The following HIBADH variants were observed in gnomAD, a reference collection of about 807,000 sequenced individuals.
HIBADH encodes the protein 3-hydroxyisobutyrate dehydrogenase.
A neutral mutation model predicts 36.1 loss-of-function variants in HIBADH; 25 were observed. That is an observed-to-expected ratio of 0.69 (90% CI 0.50 to 0.97). The LOEUF (loss-of-function observed/expected upper bound fraction) is 0.97. Ranked by LOEUF, HIBADH falls within the 50% of genes least tolerant of loss-of-function variation. The probability of loss-of-function intolerance (pLI) is 0.00; values close to 1 mark genes in which losing one functional copy is unlikely to be tolerated. For missense variants in HIBADH, 421 were observed against 418.0 expected (o/e 1.01, Z -0.06); for synonymous variants, 160 against 149.5 (o/e 1.07, Z -0.51).
intron 4 of HIBADH, among the ~76,000 whole-genome samples, chr7:27,592,443 T>C (rs780039956): frequency 3.3e-5 from 5 of 152,122 alleles, no homozygotes; most frequent in East Asian, 1.9e-4. Context: ...TGAGAAGAAA[T>C]AGCAGGATGA....
chr7:27,565,899 A>C lies in HIBADH; in HGVS notation c.485-22799T>G, dbSNP rs1320458419. On this transcript the variant is annotated intron_variant, in intron 4 of 7. Transcript: ENST00000265395. ...TACAGATATATGTCATCTATATGTC[A>C]TACATACATTATATTCTGTATACAT... 2.0e-5 allele frequency among the ~76,000 whole-genome samples: 3 copies of C among 152,152 alleles called. No individual in the cohort carries two copies. The East Asian group carries it at 5.8e-4, about 29-fold the overall frequency.
chr7:27,653,114 G>A (rs1786227766), intron 1 of HIBADH, among the ~76,000 whole-genome samples: 1 of 152,024 alleles, frequency 6.6e-6, no homozygotes, highest in South Asian at 2.1e-4. Flanking sequence ...GGGTGACAGA[G>A]CGAGACTCCG....
At chr7:27,587,676 T>G (rs1784885022) in intron 4 of HIBADH, among the ~76,000 whole-genome samples, 1 of 152,160 alleles carries the variant, frequency 6.6e-6, no homozygotes, top group Non-Finnish European at 1.5e-5. Context: ...ACCGCTACAA[T>G]TAGGAGGTTT....
intron 4 of HIBADH, among the ~76,000 whole-genome samples, chr7:27,580,585 C>T (rs1663749485): frequency 6.6e-6 from 1 of 152,178 alleles, no homozygotes; most frequent in African/African-American, 2.4e-5. Flanking sequence ...TTAAGCTCTT[C>T]AGAGCTTGTA....
chr7:27,650,917 C>T (rs936550561), intron 1 of HIBADH, among the ~76,000 whole-genome samples: 1 of 152,120 alleles, frequency 6.6e-6, no homozygotes, highest in Non-Finnish European at 1.5e-5. Context: ...TAAATATTCA[C>T]TGCATGAAGT....
intron 4 of HIBADH, among the ~76,000 whole-genome samples, chr7:27,586,028 G>T (rs1014317183): frequency 1.3e-5 from 2 of 152,264 alleles, no homozygotes; most frequent in African/African-American, 2.4e-5. Flanking sequence ...GGACGTGAAG[G>T]GGGAGGTGAC....
Position 27,662,735 on chromosome 7 carries a change from G to A in HIBADH, c.54C>T (p.Ser18=). 7.1e-7 allele frequency: 1 copy of A among 1,401,604 alleles called. No individual in the cohort carries two copies. The highest frequency in any genetic ancestry group is 9.3e-7 in the Non-Finnish European group (1 of 1,072,748). The allele number at this position is 1,401,604 out of a possible 1,614,324, so 86.8% of individuals were successfully genotyped here. A position where few individuals can be genotyped will look rare whatever the true frequency, so the allele number is the denominator to read the frequency against. Residue 18 remains serine (S), a synonymous_variant, in exon 1 of 8, where the codon AGC becomes AGT. Coordinates refer to ENST00000265395, the MANE Select transcript of HIBADH (RefSeq NM_152740.4). ...TGCCGGCTGCCGGCCGCAGCCGCCGGCTCCAGTACCGGAGACCGGAGGCAG... is the reference window on the plus strand; with the variant it reads ...TGCCGGCTGCCGGCCGCAGCCGCCGACTCCAGTACCGGAGACCGGAGGCAG... The part of the protein sequence containing the change: ...LGAASGLRYW[S]RRLRPAAGSF...
At chr7:27,572,664 T>A (rs1274194176) in intron 4 of HIBADH, among the ~76,000 whole-genome samples, 2 of 152,178 alleles carry the variant, frequency 1.3e-5, no homozygotes, top group Admixed American at 6.5e-5. Context: ...AATCTCTAGA[T>A]CACTTCAATT....
At position 27,593,192 on chromosome 7, in the gene HIBADH, G is replaced by A. The variant is rs1371455140; in HGVS notation, c.484+36179C>T. On this transcript the variant is annotated intron_variant, in intron 4 of 7. Transcript: ENST00000265395. ...AATCTGAAATCCGAAATGCTCCAAT[G>A]AGCACTTCCTCTGAGCATCATGTCA... Among the ~76,000 whole-genome samples, 3 of 152,144 alleles carry A rather than the reference G, an allele frequency of 2.0e-5. No individual in the cohort carries two copies. The East Asian group carries it at 5.8e-4, about 29-fold the overall frequency.
intron 4 of HIBADH, among the ~76,000 whole-genome samples, chr7:27,605,177 G>C (rs750696733): frequency 2.0e-5 from 3 of 151,774 alleles, no homozygotes; most frequent in Non-Finnish European, 2.9e-5. Context: ...GTATTTTAAT[G>C]AAAAAAATCA....
rs1411668752 is a variant in HIBADH at position 27,527,370 on chromosome 7, A to AGTTAAGATGTATT, written c.853-1011_853-999dup. Among the ~76,000 whole-genome samples the AGTTAAGATGTATT allele has an allele frequency of 6.6e-5, 10 of 152,352 alleles. No individual in the cohort carries two copies. The East Asian group carries it at 1.9e-3, about 29-fold the overall frequency. On this transcript the variant is annotated intron_variant, in intron 7 of 7. Coordinates refer to ENST00000265395, the MANE Select transcript of HIBADH (RefSeq NM_152740.4). ...GAAGATCAGGCTGAAAGACAAGATC[A>AGTTAAGATGTATT]GTTAAGATGTATTTGTGGTACAACA...
intron 1 of HIBADH, among the ~76,000 whole-genome samples, chr7:27,662,197 T>C (rs141223389): frequency 6.6e-6 from 1 of 152,310 alleles, no homozygotes; most frequent in Non-Finnish European, 1.5e-5. Flanking sequence ...GCCTGGCTTG[T>C]ACAGCCACCG....
chr7:27,628,806 A>G (rs569752474), intron 4 of HIBADH, among the ~76,000 whole-genome samples: 2 of 151,108 alleles, frequency 1.3e-5, no homozygotes, highest in East Asian at 3.9e-4. Context: ...ATAAACCTAT[A>G]TTTATTTTTT....
chr7:27,555,065 T>C (rs1245467913), intron 4 of HIBADH, among the ~76,000 whole-genome samples: 6 of 152,112 alleles, frequency 3.9e-5, no homozygotes, highest in Non-Finnish European at 8.8e-5. Flanking sequence ...TGTATAGAGT[T>C]TGAATGCCAT....
chr7:27,650,138 A>T (rs1379358843), intron 1 of HIBADH, among the ~76,000 whole-genome samples: 1 of 152,108 alleles, frequency 6.6e-6, no homozygotes, highest in Non-Finnish European at 1.5e-5. Flanking sequence ...AATGTGAAGT[A>T]TTCCATATTA....
intron 5 of HIBADH, among the ~76,000 whole-genome samples, chr7:27,541,003 T>C (rs1183646536): frequency 1.3e-5 from 2 of 152,170 alleles, no homozygotes; most frequent in Admixed American, 6.5e-5. Flanking sequence ...TTAGCAACTT[T>C]ATAGATAAGG....
intron 4 of HIBADH, among the ~76,000 whole-genome samples, chr7:27,546,062 G>T (rs535591572): frequency 1.3e-5 from 2 of 152,096 alleles, no homozygotes; most frequent in Non-Finnish European, 2.9e-5. Flanking sequence ...CTTCTTCATA[G>T]ATTGGCTGTG....
chr7:27,642,642 GTTTTTTTTTTT>G (rs71555706), intron 2 of HIBADH, among the ~76,000 whole-genome samples: 1 of 97,426 alleles, frequency 1.0e-5, no homozygotes, highest in African/African-American at 4.2e-5. Context: ...TAAATGTCTA[GTTTTTTTTTTT>G]TTTTTTTTTT....
At position 27,612,332 on chromosome 7, in the gene HIBADH, CTTTTTTTTTTT is replaced by C. The variant is rs553000775; in HGVS notation, c.484+17028_484+17038del. Among the ~76,000 whole-genome samples the C allele has an allele frequency of 2.7e-3, 374 of 136,618 alleles. 3 individuals are homozygous for C. The South Asian group carries it at 0.028, about 10-fold the overall frequency. The allele number at this position is 136,618 out of a possible 152,430, so 89.6% of individuals were successfully genotyped here. A position where few individuals can be genotyped will look rare whatever the true frequency, so the allele number is the denominator to read the frequency against. ...CTCTTTTTCTTTTCCTTTTTTTTTT[CTTTTTTTTTTT>C]GAGAAAAGTCTTGCTCTTGTCCCCC... On this transcript the variant is annotated intron_variant, in intron 4 of 7. Transcript: ENST00000265395.
Sources: allele counts gnomAD v4.1 joint callset (sites outside exome capture counted in the v4.1 genomes callset), GRCh38; gene constraint gnomAD v4.1.1; transcripts MANE v1.5; gene names NCBI Gene and HGNC (gene_info 2026-07-23, HGNC 2026-07-21).